The following CADPS2 variants were observed in gnomAD, a reference collection of about 807,000 sequenced individuals.
The protein encoded by CADPS2 is calcium-dependent secretion activator 2.
CADPS2 carries 93 observed loss-of-function variants against 172.5 expected under a neutral mutation model. The ratio of observed to expected loss-of-function variants is 0.54; its 90% CI spans 0.46 to 0.64. CADPS2 has a LOEUF of 0.64. Ranked by LOEUF, CADPS2 falls within the 30% of genes least tolerant of loss-of-function variation. The pLI is 0.00. For synonymous variants in CADPS2, 546 were observed against 555.2 expected (o/e 0.98, Z 0.23); for missense variants, 1,420 against 1,565.9 (o/e 0.91, Z 1.57).
intron 2 of CADPS2, among the ~76,000 whole-genome samples, chr7:122,667,704 C>T (rs2081326623): frequency 6.6e-6 from 1 of 151,748 alleles, no homozygotes; most frequent in Admixed American, 6.6e-5. Context: ...GCTGGGGGGC[C>T]AGAGTAAGAG....
intron 7 of CADPS2, among the ~76,000 whole-genome samples, chr7:122,556,474 T>C (rs998638805): frequency 6.6e-6 from 1 of 152,084 alleles, no homozygotes. Context: ...CCTTCTATGT[T>C]TATATAAAAA....
chr7:122,838,532 T>C (rs1048424437), intron 1 of CADPS2, among the ~76,000 whole-genome samples: 8 of 152,128 alleles, frequency 5.3e-5, no homozygotes, highest in African/African-American at 1.7e-4. Context: ...GAAAACCCCA[T>C]TGTCTCAGCC....
chr7:122,849,078 T>A (rs970259466), intron 1 of CADPS2, among the ~76,000 whole-genome samples: 16 of 152,194 alleles, frequency 1.1e-4, no homozygotes, highest in Non-Finnish European at 2.9e-5. Context: ...AAGGGCAAAA[T>A]TCAACCTAAA....
chr7:122,503,536 C>G (rs145969989), intron 9 of CADPS2, among the ~76,000 whole-genome samples: 1 of 152,130 alleles, frequency 6.6e-6, no homozygotes, highest in Non-Finnish European at 1.5e-5. Flanking sequence ...TAGTTTAATA[C>G]TAATATGATT....
At chr7:122,438,975 A>G (rs1012573704) in intron 16 of CADPS2, among the ~76,000 whole-genome samples, 1 of 152,020 alleles carries the variant, frequency 6.6e-6, no homozygotes, top group South Asian at 2.1e-4. Context: ...AATTTTAATG[A>G]TTGTGATTTG....
At chr7:122,475,729 C>G (rs2056558073) in intron 12 of CADPS2, among the ~76,000 whole-genome samples, 1 of 152,066 alleles carries the variant, frequency 6.6e-6, no homozygotes, top group East Asian at 1.9e-4. Context: ...TCTTCAGAAT[C>G]ACACTAAAAA....
chr7:122,663,514 G>A lies in CADPS2; in HGVS notation c.509C>T (p.Ala170Val). Residue 170 changes from alanine (A) to valine (V), a missense_variant, in exon 3 of 30, where the codon GCT (alanine) becomes GTT (valine). Ala to Val is a moderately conservative substitution (Grantham distance 64, BLOSUM62 0). Coordinates refer to ENST00000449022, the MANE Select transcript of CADPS2 (RefSeq NM_017954.11). Reference protein sequence around the residue: ...ARMVQSGGCSANDFREVFKKN... With the variant: ...ARMVQSGGCSVNDFREVFKKN... ...CTTAAATACTTCTCTGAAGTCATTA[G>A]CAGAACACCCTCCACTCTGTACCAT... 1 of 1,608,308 alleles carries A rather than the reference G, an allele frequency of 6.2e-7. No individual in the cohort carries two copies. The highest frequency in any genetic ancestry group is 8.5e-7 in the Non-Finnish European group (1 of 1,176,794).
At chr7:122,820,183 T>C (rs932799387) in intron 1 of CADPS2, among the ~76,000 whole-genome samples, 3 of 152,102 alleles carry the variant, frequency 2.0e-5, no homozygotes, top group African/African-American at 4.8e-5. Flanking sequence ...ATATGCTTTC[T>C]TTACTATTCC....
At chr7:122,730,657 A>G (rs903766859) in intron 2 of CADPS2, among the ~76,000 whole-genome samples, 2 of 151,770 alleles carry the variant, frequency 1.3e-5, no homozygotes, top group African/African-American at 4.8e-5. Context: ...CCAGTTTTAT[A>G]CATACAAAAC....
intron 3 of CADPS2, among the ~76,000 whole-genome samples, chr7:122,640,933 CA>C (rs60107640): frequency 0.87 from 112,845 of 129,728 alleles, 48,934 homozygotes; most frequent in Non-Finnish European, 0.91. Flanking sequence ...GACTCTATCT[CA>C]AAAAAAAAAA....
intron 6 of CADPS2, among the ~76,000 whole-genome samples, chr7:122,604,934 A>T (rs2073297206): frequency 6.6e-6 from 1 of 152,060 alleles, no homozygotes; most frequent in Non-Finnish European, 1.5e-5. Flanking sequence ...AAAATCACAG[A>T]GTGTACTTAT....
chr7:122,394,045 G>A (rs986353222), intron 20 of CADPS2, among the ~76,000 whole-genome samples: 1 of 152,130 alleles, frequency 6.6e-6, no homozygotes, highest in East Asian at 1.9e-4. Flanking sequence ...AGCTATTCTT[G>A]TTCACTAGGA....
At chr7:122,472,476 A>G (rs2056106548) in intron 13 of CADPS2, among the ~76,000 whole-genome samples, 1 of 152,194 alleles carries the variant, frequency 6.6e-6, no homozygotes, top group African/African-American at 2.4e-5. Context: ...ACTACACTGC[A>G]AATCAGTTGT....
rs1330139031 is a variant in CADPS2, at chr7:122,407,659, G to C, written c.2627C>G (p.Ala876Gly). 1.2e-6 allele frequency: 2 copies of C among 1,611,610 alleles called. No individual in the cohort carries two copies. Among genetic ancestry groups the C allele is most frequent in the East Asian group, 4.5e-5 (2 of 44,850 alleles). The change falls in exon 20 of 30, where the codon GCA becomes GGA. Residue 876 changes from alanine (A) to glycine (G), a missense_variant. Coordinates refer to ENST00000449022, the MANE Select transcript of CADPS2 (RefSeq NM_017954.11). ...TGTAAATAAAGCCCAAAATTTCTCT[G>C]CATGTTCAGCCAATAAATCAGGCCA... is the stretch of plus-strand genomic sequence containing the variant. The part of the protein sequence containing the change: ...AWWPDLLAEH[A>G]EKFWALFTVD...
intron 10 of CADPS2, among the ~76,000 whole-genome samples, chr7:122,490,978 T>C (rs2058231491): frequency 6.6e-6 from 1 of 152,150 alleles, no homozygotes; most frequent in African/African-American, 2.4e-5. Flanking sequence ...TAATAATTCA[T>C]TTGCCATTTC....
chr7:122,366,461 C>T (rs1325285000), intron 25 of CADPS2, among the ~76,000 whole-genome samples: 6 of 149,778 alleles, frequency 4.0e-5, no homozygotes, highest in South Asian at 4.2e-4. Flanking sequence ...AAAAATTACC[C>T]GGCCATGGTG....
intron 2 of CADPS2, chr7:122,702,547 C>G (rs758892306): frequency 6.2e-7 from 1 of 1,613,634 alleles, no homozygotes; most frequent in Non-Finnish European, 8.5e-7. Context: ...ACACCCTTTC[C>G]AGAGGAGAAT....
intron 8 of CADPS2, among the ~76,000 whole-genome samples, chr7:122,543,895 G>A (rs2063352251): frequency 6.6e-6 from 1 of 151,874 alleles, no homozygotes; most frequent in African/African-American, 2.4e-5. Flanking sequence ...AAAAACATGT[G>A]AAAAGTATCA....
chr7:122,632,371 T>C (rs1433487766), intron 3 of CADPS2, among the ~76,000 whole-genome samples: 1 of 152,140 alleles, frequency 6.6e-6, no homozygotes, highest in African/African-American at 2.4e-5. Flanking sequence ...ACATCTGTTG[T>C]TTTTTTGACT....
Sources: gnomAD v4.1 joint callset for allele counts (sites outside exome capture counted in the v4.1 genomes callset) on GRCh38, gnomAD v4.1.1 for gene constraint, MANE v1.5 for transcripts, NCBI Gene and HGNC (gene_info 2026-07-23, HGNC 2026-07-21) for gene names.